The following ROBO1 variants were observed in gnomAD, a reference collection of about 807,000 sequenced individuals.
ROBO1 encodes roundabout homolog 1.
Under a neutral mutation model 195.9 loss-of-function variants are expected in ROBO1, and 149 were observed. That is an observed-to-expected ratio of 0.76 (90% CI 0.67 to 0.87). The LOEUF (loss-of-function observed/expected upper bound fraction) is 0.87. ROBO1 is among the 40% of genes least tolerant of loss of function. The pLI, the probability that ROBO1 is intolerant of heterozygous loss-of-function variation, is 0.00. For missense variants in ROBO1, 1,933 were observed against 2,068.3 expected, an observed-to-expected ratio of 0.93 and a Z score of 1.27; for synonymous variants, 816 against 733.2, an observed-to-expected ratio of 1.11 and a Z score of -1.82.
At chr3:79,304,448 G>A (rs188341795) in intron 2 of ROBO1, among the ~76,000 whole-genome samples, 6 of 152,156 alleles carry the variant, frequency 3.9e-5, no homozygotes, top group South Asian at 2.1e-4. Flanking sequence ...AAATCCCCAC[G>A]ATCATCAAGA....
intron 4 of ROBO1, among the ~76,000 whole-genome samples, chr3:78,865,797 T>C (rs1162230166): frequency 6.6e-6 from 1 of 152,180 alleles, no homozygotes; most frequent in Non-Finnish European, 1.5e-5. Flanking sequence ...TTACTATACA[T>C]ATAACATATT....
rs535038321 is a variant in ROBO1 at position 78,871,174 on chromosome 3, A to T, written c.499+67427T>A. Reference sequence around the variant, plus strand: ...AACCCAAAGCCATGTGAAGACACTGATGCCCATGCGAGTGTGAATGTTTGG... The same window carrying T: ...AACCCAAAGCCATGTGAAGACACTGTTGCCCATGCGAGTGTGAATGTTTGG... On this transcript the variant is annotated intron_variant, in intron 4 of 30. Transcript: ENST00000464233. Among the ~76,000 whole-genome samples, 344 of 152,240 alleles carry T rather than the reference A, an allele frequency of 2.3e-3. 1 individual carries two copies. The highest frequency in any genetic ancestry group is 7.8e-3 in the African/African-American group (322 of 41,548).
chr3:79,151,561 C>G (rs2080771414), intron 2 of ROBO1, among the ~76,000 whole-genome samples: 2 of 151,754 alleles, frequency 1.3e-5, no homozygotes, highest in Non-Finnish European at 2.9e-5. Flanking sequence ...AGAGAACAAC[C>G]AGAGTGATTT....
At chr3:78,913,034 A>G (rs937096239) in intron 4 of ROBO1, among the ~76,000 whole-genome samples, 3 of 152,166 alleles carry the variant, frequency 2.0e-5, no homozygotes, top group African/African-American at 7.2e-5. Flanking sequence ...ATTTTTTGTT[A>G]CGACAGCTGA....
At chr3:79,289,793 AC>A (rs976063192) in intron 2 of ROBO1, among the ~76,000 whole-genome samples, 128 of 152,280 alleles carry the variant, frequency 8.4e-4, no homozygotes, top group African/African-American at 2.9e-3. Context: ...CCAATAACAT[AC>A]TTTGTTAGGG....
intron 1 of ROBO1, among the ~76,000 whole-genome samples, chr3:79,685,626 G>T (rs146305762): frequency 6.6e-6 from 1 of 152,208 alleles, no homozygotes; most frequent in Non-Finnish European, 1.5e-5. Context: ...TGGGTCTTTG[G>T]CAAGTTACAA....
intron 4 of ROBO1, among the ~76,000 whole-genome samples, chr3:78,927,562 G>A (rs372159776): frequency 4.5e-4 from 69 of 152,136 alleles, no homozygotes; most frequent in African/African-American, 1.6e-3. Flanking sequence ...AAAGAGGTAT[G>A]TTTAAAAGTC....
intron 2 of ROBO1, among the ~76,000 whole-genome samples, chr3:79,206,536 G>A (rs943658814): frequency 3.0e-4 from 45 of 152,268 alleles, no homozygotes; most frequent in Middle Eastern, 3.4e-3. Flanking sequence ...ATAGAGTTCA[G>A]TACAATCTGT....
intron 3 of ROBO1, among the ~76,000 whole-genome samples, chr3:78,970,308 A>C (rs1407063860): frequency 6.6e-6 from 1 of 152,202 alleles, no homozygotes; most frequent in Non-Finnish European, 1.5e-5. Context: ...ATATATGTTC[A>C]CATAACGATG....
chr3:79,078,320 G>A (rs2079211403), intron 3 of ROBO1, among the ~76,000 whole-genome samples: 1 of 151,680 alleles, frequency 6.6e-6, no homozygotes, highest in South Asian at 2.1e-4. Context: ...TTGGATATAA[G>A]ATAGGCCTGT....
chr3:78,733,457 C>A (rs9874859), intron 5 of ROBO1, among the ~76,000 whole-genome samples: 151,977 of 152,136 alleles, frequency 1, 75,909 homozygotes, highest in Non-Finnish European at 1. Context: ...AAAAAAATGC[C>A]GTCCATACTA....
At chr3:79,060,066 A>G (rs1395705088) in intron 3 of ROBO1, among the ~76,000 whole-genome samples, 3 of 151,962 alleles carry the variant, frequency 2.0e-5, no homozygotes, top group Non-Finnish European at 4.4e-5. Flanking sequence ...GGTCTCTAAA[A>G]TGGTCGCTCT....
At position 79,650,113 on chromosome 3, in the gene ROBO1, G is replaced by T. The variant is rs542778457; in HGVS notation, c.-50-60152C>A. Among the ~76,000 whole-genome samples the T allele has an allele frequency of 2.5e-3, 378 of 151,724 alleles. 2 individuals are homozygous for T. Among genetic ancestry groups the T allele is most frequent in the African/African-American group, 8.8e-3 (366 of 41,472 alleles). On this transcript the variant is annotated intron_variant, in intron 1 of 30. Transcript: ENST00000464233. ...AGATGAAAATATAATTGAGAACAAA[G>T]AAAAAATAGAGAGGATATATAATAT...
chr3:79,649,350 GT>G (rs1945930950), intron 1 of ROBO1, among the ~76,000 whole-genome samples: 1 of 151,846 alleles, frequency 6.6e-6, no homozygotes, highest in African/African-American at 2.4e-5. Flanking sequence ...ATATACATTT[GT>G]TTATATATTT....
chr3:78,965,337 T>C (rs943686141), intron 3 of ROBO1, among the ~76,000 whole-genome samples: 3 of 152,200 alleles, frequency 2.0e-5, no homozygotes, highest in African/African-American at 7.2e-5. Context: ...TTTTTGATGA[T>C]ACACAGCATC....
chr3:79,564,161 AG>A (rs1233375349), intron 2 of ROBO1, among the ~76,000 whole-genome samples: 2 of 151,100 alleles, frequency 1.3e-5, no homozygotes, highest in Non-Finnish European at 3.0e-5. Context: ...ACAAAAAAAA[AG>A]TAAAATTGAA....
chr3:79,560,091 T>C (rs1390565433), intron 2 of ROBO1, among the ~76,000 whole-genome samples: 2 of 151,984 alleles, frequency 1.3e-5, no homozygotes, highest in Non-Finnish European at 2.9e-5. Context: ...TATTAACACT[T>C]ACTCACGTTA....
intron 2 of ROBO1, among the ~76,000 whole-genome samples, chr3:79,440,480 C>T (rs1269918253): frequency 6.6e-6 from 1 of 152,214 alleles, no homozygotes; most frequent in Non-Finnish European, 1.5e-5. Context: ...ACTAAGATGG[C>T]AAATGCTAGA....
chr3:79,361,614 C>T (rs1049838104), intron 2 of ROBO1, among the ~76,000 whole-genome samples: 2 of 151,952 alleles, frequency 1.3e-5, no homozygotes, highest in African/African-American at 2.4e-5. Context: ...AATTCAATGT[C>T]GAACTCTTCC....
Sources: gnomAD v4.1 joint callset for allele counts (sites outside exome capture counted in the v4.1 genomes callset) on GRCh38, gnomAD v4.1.1 for gene constraint, MANE v1.5 for transcripts, NCBI Gene and HGNC (gene_info 2026-07-23, HGNC 2026-07-21) for gene names.